INSR: variants seen among roughly 807,000 people sequenced by gnomAD.
INSR encodes the protein insulin receptor.
Under a neutral mutation model 142.6 loss-of-function variants are expected in INSR, and 67 were observed. That is an observed-to-expected ratio of 0.47 (90% CI 0.39 to 0.58). The LOEUF (loss-of-function observed/expected upper bound fraction) is 0.58, where lower values mean the gene tolerates loss of function less well. Ranked by LOEUF, INSR falls within the 20% of genes least tolerant of loss-of-function variation. The pLI is 0.00. For missense variants in INSR, 1,248 were observed against 1,833.2 expected, an observed-to-expected ratio of 0.68 and a Z score of 5.83; for synonymous variants, 756 against 743.1, an observed-to-expected ratio of 1.02 and a Z score of -0.28.
chr19:7,187,814 C>CT (rs1487230873), intron 2 of INSR, among the ~76,000 whole-genome samples: 1 of 152,122 alleles, frequency 6.6e-6, no homozygotes, highest in African/African-American at 2.4e-5. Flanking sequence ...TCAAGCGATC[C>CT]TCCCACCTCA....
chr19:7,182,813 T>A (rs921410200), intron 3 of INSR, among the ~76,000 whole-genome samples: 6 of 148,098 alleles, frequency 4.1e-5, no homozygotes, highest in Admixed American at 4.0e-4. Context: ...CCAGAAGATA[T>A]TAACCCATTT....
At chr19:7,230,674 G>C (rs1376690671) in intron 2 of INSR, among the ~76,000 whole-genome samples, 1 of 152,038 alleles carries the variant, frequency 6.6e-6, no homozygotes, top group Non-Finnish European at 1.5e-5. Context: ...GGGTGTGGTG[G>C]CGGGCATCTG....
rs181092673 is a variant in INSR at position 7,158,479 on chromosome 19, T to C, written c.2029+4553A>G. Among the ~76,000 whole-genome samples the C allele has an allele frequency of 5.3e-3, 798 of 151,952 alleles. 1 individual carries two copies. Among genetic ancestry groups the C allele is most frequent in the African/African-American group, 8.9e-3 (369 of 41,394 alleles). On this transcript the variant is annotated intron_variant, in intron 9 of 21. Coordinates refer to ENST00000302850, the MANE Select transcript of INSR (RefSeq NM_000208.4). ...TCACGCCACTGAACTCCAGCCTGGGTGACAGAGCGAGACTCCGTCTCAAAA... is the reference window on the plus strand; with the variant it reads ...TCACGCCACTGAACTCCAGCCTGGGCGACAGAGCGAGACTCCGTCTCAAAA...
At position 7,125,394 on chromosome 19, in the gene INSR, C is replaced by T; in HGVS notation, c.3147G>A (p.Glu1049=). 2.5e-6 allele frequency: 4 copies of T among 1,614,172 alleles called. No individual in the cohort carries two copies. The highest frequency in any genetic ancestry group is 3.4e-6 in the Non-Finnish European group (4 of 1,180,036). The change falls in exon 17 of 22, where the codon GAG becomes GAA. Residue 1049 remains glutamate (E), a synonymous_variant. Transcript: ENST00000302850. The surrounding 1 kb of genome is among the most constrained non-coding windows in gnomAD (Gnocchi z 4.9). ...EGNARDIIKG[E]AETRVAVKTV... ...TCTTCACCGCCACGCGGGTCTCTGC[C>T]TCACCCTTGATGATGTCCCTGGCAT...
chr19:7,153,030 A>ACAAAT, intron 9 of INSR, 103 bp from the exon 10 acceptor site: 1 of 461,306 alleles, frequency 2.2e-6, no homozygotes, highest in African/African-American at 6.3e-5. Flanking sequence ...CACACACCAC[A>ACAAAT]CACACACACA....
At chr19:7,271,161 T>C (rs1420731882) in intron 1 of INSR, among the ~76,000 whole-genome samples, 1 of 152,002 alleles carries the variant, frequency 6.6e-6, no homozygotes, top group African/African-American at 2.4e-5. Flanking sequence ...CCCACTAGGA[T>C]AGCTAAAACC....
At chr19:7,286,767 T>G (rs1036932062) in intron 1 of INSR, among the ~76,000 whole-genome samples, 3 of 152,010 alleles carry the variant, frequency 2.0e-5, no homozygotes, top group Non-Finnish European at 4.4e-5. Context: ...GCAATGAGAA[T>G]GCATTACCCG....
intron 1 of INSR, 138 bp from the exon 2 acceptor site, chr19:7,268,034 C>A: frequency 1.3e-6 from 1 of 756,456 alleles, no homozygotes; most frequent in Non-Finnish European, 2.3e-6. Context: ...GTAAACTCTG[C>A]AGCCAGCCGG....
chr19:7,262,559 G>A (rs1422425813), intron 2 of INSR, among the ~76,000 whole-genome samples: 2 of 152,198 alleles, frequency 1.3e-5, no homozygotes, highest in African/African-American at 4.8e-5. Flanking sequence ...CAACAGCAGT[G>A]GCCCTGATTC....
rs1248231684 is a variant in INSR, at chr19:7,267,678, T to C, written c.319A>G (p.Thr107Ala). ...AACAGTCGTGATCCCCGGATGACCGTGAGGTTGGGGAACAGGTCCTTCAGG... is the reference window on the plus strand; with the variant it reads ...AACAGTCGTGATCCCCGGATGACCGCGAGGTTGGGGAACAGGTCCTTCAGG... ...ESLKDLFPNL[T>A]VIRGSRLFFN... Residue 107 changes from threonine (T) to alanine (A), a missense_variant, in exon 2 of 22, where the codon ACG becomes GCG. Around this residue, in one of 3 missense-constraint regions of INSR, gnomAD observed 1,069 missense variants for 1,654.0 expected, o/e 0.65. Transcript: ENST00000302850. The surrounding 1 kb of genome is among the most constrained non-coding windows in gnomAD (Gnocchi z 6.3). 1.2e-6 allele frequency: 2 copies of C among 1,613,848 alleles called. No individual in the cohort carries two copies. The highest frequency in any genetic ancestry group is 1.7e-5 in the Admixed American group (1 of 59,974).
At position 7,217,637 on chromosome 19, in the gene INSR, G is replaced by A. The variant is rs924689559; in HGVS notation, c.653-33000C>T. ...GCAGTGGGCACGATCTTGGCTCACCGCAAGCTCCGCCTCCCAGGTTCATGC... is the reference window on the plus strand; with the variant it reads ...GCAGTGGGCACGATCTTGGCTCACCACAAGCTCCGCCTCCCAGGTTCATGC... On this transcript the variant is annotated intron_variant, in intron 2 of 21. Transcript: ENST00000302850. Among the ~76,000 whole-genome samples, 7 of 152,258 alleles carry A rather than the reference G, an allele frequency of 4.6e-5. No homozygotes were observed. The South Asian group carries it at 8.3e-4, about 18-fold the overall frequency.
chr19:7,150,272 T>G lies in INSR; in HGVS notation c.2267+225A>C, dbSNP rs1307170930. Among the ~76,000 whole-genome samples the G allele has an allele frequency of 6.6e-6, 1 of 152,174 alleles. No individual in the cohort carries two copies. Among genetic ancestry groups the G allele is most frequent in the African/African-American group, 2.4e-5 (1 of 41,446 alleles). The stretch of plus-strand genomic sequence containing the variant: ...AGGAAGCACTCCCATGATTCTATGT[T>G]TTAGCAAGAGTGTGTTAGTGAAGGT... On this transcript the variant is annotated intron_variant, in intron 11 of 21. Transcript: ENST00000302850. This position sits in a 1 kb window ranked among gnomAD's most constrained non-coding sequence, Gnocchi z 4.2.
At chr19:7,155,889 G>C (rs1200163691) in intron 9 of INSR, among the ~76,000 whole-genome samples, 1 of 150,760 alleles carries the variant, frequency 6.6e-6, no homozygotes, top group Admixed American at 6.7e-5. Flanking sequence ...ACTCCAGCCT[G>C]GGCAACAGAG....
Position 7,192,587 on chromosome 19 carries a change from T to G in INSR, c.653-7950A>C, listed in dbSNP as rs73920310. Reference sequence around the variant, plus strand: ...GACAGTCAGCAGCCCAGGCTATGTCTGCCAGACAAGATGGCAGACTTGCAG... The same window carrying G: ...GACAGTCAGCAGCCCAGGCTATGTCGGCCAGACAAGATGGCAGACTTGCAG... On this transcript the variant is annotated intron_variant, in intron 2 of 21. Coordinates refer to ENST00000302850, the MANE Select transcript of INSR (RefSeq NM_000208.4). This position sits in a 1 kb window ranked among gnomAD's most constrained non-coding sequence, Gnocchi z 4.2. 0.015 allele frequency among the ~76,000 whole-genome samples: 2,313 copies of G among 152,316 alleles called. 60 individuals carry two copies. The highest frequency in any genetic ancestry group is 0.053 in the African/African-American group (2,202 of 41,552).
rs4325676 is a variant in INSR at position 7,182,160 on chromosome 19, G to A, written c.974+2156C>T. Among the ~76,000 whole-genome samples the A allele has an allele frequency of 1.4e-4, 21 of 151,246 alleles. 1 individual carries two copies. In the Middle Eastern group the frequency reaches 0.01, roughly 73 times the overall value. ...CAGCCTGGCCAACATGATGAAACCCGGTCTCTACTAAAAATACAAGAAAAA... is the reference window on the plus strand; with the variant it reads ...CAGCCTGGCCAACATGATGAAACCCAGTCTCTACTAAAAATACAAGAAAAA... On this transcript the variant is annotated intron_variant, in intron 3 of 21. Transcript: ENST00000302850.
intron 1 of INSR, among the ~76,000 whole-genome samples, chr19:7,288,194 C>CAA (rs904519512): frequency 8.8e-5 from 10 of 113,544 alleles, no homozygotes; most frequent in African/African-American, 2.9e-4. Flanking sequence ...CCTGTTTCTA[C>CAA]AAAAAAAAAA....
chr19:7,119,218 G>A lies in INSR; in HGVS notation c.3794+231C>T, dbSNP rs982645689. ...CTATGTAAATATATAATATGCAAAC[G>A]TAAGCGTACATGTAGCACATATGGG... On this transcript the variant is annotated intron_variant, in intron 21 of 21. Transcript: ENST00000302850. This position sits in a 1 kb window ranked among gnomAD's most constrained non-coding sequence, Gnocchi z 5.2. Among the ~76,000 whole-genome samples the A allele has an allele frequency of 2.6e-5, 4 of 152,120 alleles. No individual in the cohort carries two copies.
intron 1 of INSR, among the ~76,000 whole-genome samples, chr19:7,291,069 CAA>C (rs879380703): frequency 7.7e-6 from 1 of 130,586 alleles, no homozygotes. Context: ...GACTCCGTCT[CAA>C]AAAAAAAAAA....
chr19:7,253,458 G>A (rs796221157), intron 2 of INSR, among the ~76,000 whole-genome samples: 9 of 151,794 alleles, frequency 5.9e-5, no homozygotes, highest in African/African-American at 2.2e-4. Flanking sequence ...GGCTGGTCTC[G>A]AACTCCTGAC....
Sources: allele counts gnomAD v4.1 joint callset (sites outside exome capture counted in the v4.1 genomes callset), GRCh38; gene constraint gnomAD v4.1.1; regional missense constraint gnomAD v4.1.1; non-coding constraint Gnocchi (gnomAD v3.1); transcripts MANE v1.5; gene names NCBI Gene and HGNC (gene_info 2026-07-23, HGNC 2026-07-21).